The following ZNF548 variants were observed in gnomAD, a reference collection of about 807,000 sequenced individuals.
ZNF548 encodes the protein zinc finger protein 548.
A neutral mutation model predicts 10.2 loss-of-function variants in ZNF548; 10 were observed. The observed-to-expected ratio is 0.98, with a 90% CI of 0.60 to 1.66. ZNF548 has a LOEUF of 1.66. Ranked by LOEUF, ZNF548 falls within the 40% of genes most tolerant of loss-of-function variation. ZNF548 has a pLI of 0.00. For synonymous variants in ZNF548, 217 were observed against 223.5 expected (o/e 0.97, Z 0.26); for missense variants, 599 against 657.0 (o/e 0.91, Z 0.97).
intron 3 of ZNF548, chr19:57,397,425 G>T: frequency 2.2e-6 from 1 of 463,686 alleles, no homozygotes; most frequent in Non-Finnish European, 3.7e-6. Context: ...TTGGCATAGA[G>T]ACCCCACCAG....
intron 3 of ZNF548, 159 bp from the exon 4 acceptor site, chr19:57,398,271 C>T: frequency 1.4e-6 from 2 of 1,421,122 alleles, no homozygotes; most frequent in Non-Finnish European, 1.9e-6. Context: ...TTGCCAGGCC[C>T]AGCCCTGCAT....
rs143765993 is a variant in ZNF548 at position 57,396,650 on chromosome 19, A to G, written c.52-398A>G. Among the ~76,000 whole-genome samples, 113 of 152,372 alleles carry G rather than the reference A, an allele frequency of 7.4e-4. 1 individual carries two copies. The East Asian group carries it at 0.021, about 29-fold the overall frequency. ...CCAAGGGGGGTACATACCACATAAC[A>G]CAGGGCCACATGGTGAGGCACCAGA... On this transcript the variant is annotated intron_variant, in intron 2 of 3. Transcript: ENST00000336128.
At chr19:57,391,093 T>C (rs553553751) in intron 1 of ZNF548, among the ~76,000 whole-genome samples, 2 of 152,338 alleles carry the variant, frequency 1.3e-5, no homozygotes, top group Non-Finnish European at 2.9e-5. Flanking sequence ...TAAGTAATTT[T>C]TCATCACTCA....
rs2088658272 is a variant in ZNF548, at chr19:57,395,473, A to G, written c.51+1250A>G. ...ACCAACTCACAGTTCTTCAGGCTTAACAGGAAGCATAACTGGGAGGCCTCA... is the reference window on the plus strand; with the variant it reads ...ACCAACTCACAGTTCTTCAGGCTTAGCAGGAAGCATAACTGGGAGGCCTCA... On this transcript the variant is annotated intron_variant, in intron 2 of 3. Transcript: ENST00000336128. The surrounding 1 kb of genome is among the most constrained non-coding windows in gnomAD (Gnocchi z 4.8). Among the ~76,000 whole-genome samples, 1 of 152,180 alleles carries G rather than the reference A, an allele frequency of 6.6e-6. No individual in the cohort carries two copies. Among genetic ancestry groups the G allele is most frequent in the Admixed American group, 6.5e-5 (1 of 15,274 alleles).
At position 57,399,223 on chromosome 19, in the gene ZNF548, G is replaced by A. The variant is rs909322873; in HGVS notation, c.972G>A (p.Arg324=). 3 of 1,612,196 alleles carry A rather than the reference G, an allele frequency of 1.9e-6. No homozygotes were observed. The African/African-American group carries it at 4.0e-5, about 22-fold the overall frequency. Residue 324 remains arginine, a synonymous_variant, in exon 4 of 4, where the codon AGG becomes AGA. Coordinates refer to ENST00000336128, the MANE Select transcript of ZNF548 (RefSeq NM_001172773.2). The surrounding 1 kb of genome is among the most constrained non-coding windows in gnomAD (Gnocchi z 4.0). ...CCGGAGAAAGGCCGTATGAGTGCAG[G>A]GAATGTGGGAAATTCTTTATGGACA... ...VHTGERPYEC[R]ECGKFFMDSS...
In ZNF548 at chr19:57,394,182, C is replaced by T; in HGVS notation, c.16-6C>T. 1 of 1,602,996 alleles carries T rather than the reference C, an allele frequency of 6.2e-7. No homozygotes were observed. Among genetic ancestry groups the T allele is most frequent in the South Asian group, 1.1e-5 (1 of 90,392 alleles). On this transcript the variant is annotated splice_polypyrimidine_tract_variant and splice_region_variant and intron_variant, in intron 1 of 3. Transcript: ENST00000336128. ...TCAATTTCTCACGGCCTTTCTCTTC[C>T]CTCAGGGTCCCCTGGCGATGGCAGA...
Position 57,397,186 on chromosome 19 carries a change from A to G in ZNF548, c.178+12A>G. ...TTTGTCCTCACTAGGTAAGGCCCTCACACTTGCCCAGTGTCCTGGGTTAGG... is the reference window on the plus strand; with the variant it reads ...TTTGTCCTCACTAGGTAAGGCCCTCGCACTTGCCCAGTGTCCTGGGTTAGG... On this transcript the variant is annotated intron_variant, in intron 3 of 3. Transcript: ENST00000336128. 1 of 1,588,412 alleles carries G rather than the reference A, an allele frequency of 6.3e-7. No homozygotes were observed. Among genetic ancestry groups the G allele is most frequent in the African/African-American group, 1.3e-5 (1 of 74,116 alleles).
chr19:57,398,129 G>A (rs903748860), intron 3 of ZNF548, among the ~76,000 whole-genome samples: 2 of 152,208 alleles, frequency 1.3e-5, no homozygotes, highest in Non-Finnish European at 2.9e-5. Flanking sequence ...CACACTGCTT[G>A]CCAGTCTCCA....
Position 57,402,937 on chromosome 19 carries a change from C to G in ZNF548, c.*3048C>G, listed in dbSNP as rs2088728768. The G allele has an allele frequency of 6.6e-6, 1 of 152,226 alleles. No homozygotes were observed. The highest frequency in any genetic ancestry group is 1.9e-4 in the East Asian group (1 of 5,198). 9.4% of individuals were successfully genotyped at this position (152,226 alleles called of 1,614,324 possible). A position where few individuals can be genotyped will look rare whatever the true frequency, so the allele number is the denominator to read the frequency against. On this transcript the variant is annotated 3_prime_UTR_variant, in exon 4 of 4. Transcript: ENST00000336128. ...AAAAATGTCATCTCTTTTCTACCAACTGGCAAAGAGCCATGGTGTGTAGCA... is the reference window on the plus strand; with the variant it reads ...AAAAATGTCATCTCTTTTCTACCAAGTGGCAAAGAGCCATGGTGTGTAGCA...
chr19:57,397,623 C>T (rs1048583411), intron 3 of ZNF548, among the ~76,000 whole-genome samples: 1 of 152,142 alleles, frequency 6.6e-6, no homozygotes, highest in African/African-American at 2.4e-5. Context: ...GAAGTTCTTA[C>T]GATTATAGAA....
chr19:57,393,304 G>A (rs947359973), intron 1 of ZNF548, among the ~76,000 whole-genome samples: 15 of 152,072 alleles, frequency 9.9e-5, no homozygotes, highest in African/African-American at 3.6e-4. Flanking sequence ...ACCCCAATTA[G>A]ACAGTATCTT....
intron 1 of ZNF548, chr19:57,392,851 T>G (rs1652790583): frequency 4.1e-6 from 4 of 985,362 alleles, no homozygotes; most frequent in Non-Finnish European, 4.8e-6. Flanking sequence ...GGCCAGACCA[T>G]TGGTGGCTCC....
rs1303455939 is a variant in ZNF548, at chr19:57,393,323, T to C, written c.16-865T>C. 2.0e-5 allele frequency among the ~76,000 whole-genome samples: 3 copies of C among 152,196 alleles called. No individual in the cohort carries two copies. In the East Asian group the frequency reaches 5.8e-4, roughly 30 times the overall value. ...CAATTAGACAGTATCTTTCTAAGTG[T>C]GTGCAAACAGATAGGCAGTTAATAG... is the stretch of plus-strand genomic sequence containing the variant. On this transcript the variant is annotated intron_variant, in intron 1 of 3. Coordinates refer to ENST00000336128, the MANE Select transcript of ZNF548 (RefSeq NM_001172773.2).
intron 1 of ZNF548, among the ~76,000 whole-genome samples, chr19:57,392,506 A>G (rs796147902): frequency 2.6e-5 from 4 of 152,306 alleles, no homozygotes; most frequent in African/African-American, 9.6e-5. Flanking sequence ...TTCATATGGC[A>G]ATCCAGTTTT....
At position 57,399,801 on chromosome 19, in the gene ZNF548, T is replaced by G. The variant is rs373183842; in HGVS notation, c.1550T>G (p.Val517Gly). The G allele has an allele frequency of 4.3e-5, 69 of 1,614,076 alleles. No homozygotes were observed. In the African/African-American group the frequency reaches 8.7e-4, roughly 20 times the overall value. Residue 517 changes from valine (V) to glycine (G), a missense_variant, in exon 4 of 4, where the codon GTG becomes GGG. Coordinates refer to ENST00000336128, the MANE Select transcript of ZNF548 (RefSeq NM_001172773.2). The surrounding 1 kb of genome is among the most constrained non-coding windows in gnomAD (Gnocchi z 4.0). ...AAAATCCACAGTGAAGAGAGGCTTG[T>G]GTGCTCCATGAATGTGGGGAATTCT... ...HQKIHSEERL[V>G]CSMNVGNSLA...
rs1186575045 is a variant in ZNF548, at chr19:57,400,816, T to C, written c.*927T>C. The C allele has an allele frequency of 6.6e-6, 1 of 152,216 alleles. No homozygotes were observed. The highest frequency in any genetic ancestry group is 1.5e-5 in the Non-Finnish European group (1 of 68,038). 9.4% of individuals were successfully genotyped at this position (152,216 alleles called of 1,614,324 possible). ...CATTCCCACCAGCAGTGCACAAGGA[T>C]TGCAATCTATATACATCCTCACCAA... On this transcript the variant is annotated 3_prime_UTR_variant, in exon 4 of 4. Coordinates refer to ENST00000336128, the MANE Select transcript of ZNF548 (RefSeq NM_001172773.2).
chr19:57,398,329 C>G (rs2088681887), intron 3 of ZNF548, 101 bp from the exon 4 acceptor site: 2 of 1,550,690 alleles, frequency 1.3e-6, no homozygotes, highest in Non-Finnish European at 1.7e-6. Flanking sequence ...GTCCCCAATC[C>G]CATGGCCTTA....
chr19:57,396,486 G>A (rs1018903718), intron 2 of ZNF548, among the ~76,000 whole-genome samples: 1 of 152,212 alleles, frequency 6.6e-6, no homozygotes, highest in Non-Finnish European at 1.5e-5. Flanking sequence ...AGGAATGGAG[G>A]CGTAGGGGAC....
At chr19:57,390,930 A>G (rs1268520796) in intron 1 of ZNF548, 3 of 152,296 alleles carry the variant, frequency 2.0e-5, no homozygotes, top group Non-Finnish European at 4.4e-5. Flanking sequence ...TCTGAGGATC[A>G]GATTGAGTAG....
Sources: gnomAD v4.1 joint callset for allele counts (sites outside exome capture counted in the v4.1 genomes callset) on GRCh38, gnomAD v4.1.1 for gene constraint, Gnocchi (gnomAD v3.1) non-coding constraint, MANE v1.5 for transcripts, NCBI Gene and HGNC (gene_info 2026-07-23, HGNC 2026-07-21) for gene names.